The following TRAF6 variants were observed in gnomAD, a reference collection of about 807,000 sequenced individuals.
TRAF6 encodes the protein TNF receptor-associated factor 6.
TRAF6 carries 10 observed loss-of-function variants against 48.4 expected under a neutral mutation model. The observed-to-expected ratio is 0.21, with a 90% CI of 0.13 to 0.35. The LOEUF (loss-of-function observed/expected upper bound fraction) is 0.35, where lower values mean the gene tolerates loss of function less well. Among genes scored for constraint, TRAF6 ranks in the 10% least tolerant of loss-of-function variants. The pLI is 1.00. For missense variants in TRAF6, 397 were observed against 661.0 expected (o/e 0.60, Z 4.38); for synonymous variants, 186 against 219.6 (o/e 0.85, Z 1.35).
chr11:36,495,365 T>G (rs1183184908), intron 4 of TRAF6, among the ~76,000 whole-genome samples: 1 of 152,226 alleles, frequency 6.6e-6, no homozygotes, highest in African/African-American at 2.4e-5. Flanking sequence ...GAGGCTATAC[T>G]TCTCCAAAGG....
intron 1 of TRAF6, among the ~76,000 whole-genome samples, chr11:36,505,299 G>A (rs1383462766): frequency 3.9e-5 from 6 of 152,176 alleles, no homozygotes; most frequent in Admixed American, 3.3e-4. Context: ...CTTCATCAAC[G>A]ATCGTAGCTA....
chr11:36,485,851 G>C lies in TRAF6; in HGVS notation c.*3987C>G, dbSNP rs1416578846. Among the ~76,000 whole-genome samples, 1 of 152,080 alleles carries C rather than the reference G, an allele frequency of 6.6e-6. No homozygotes were observed. Among genetic ancestry groups the C allele is most frequent in the South Asian group, 2.1e-4 (1 of 4,828 alleles). On this transcript the variant is annotated 3_prime_UTR_variant, in exon 7 of 7. Coordinates refer to ENST00000526995, the MANE Select transcript of TRAF6 (RefSeq NM_004620.4). ...GATACTGGGAATTTGTAAGTGCCAA[G>C]TACACTCTACAGGCACAAAGACAGA...
At chr11:36,503,716 T>C (rs1032052612) in intron 1 of TRAF6, among the ~76,000 whole-genome samples, 1 of 152,116 alleles carries the variant, frequency 6.6e-6, no homozygotes, top group African/African-American at 2.4e-5. Flanking sequence ...CAGCAGAAAA[T>C]AGCAGAACTA....
intron 1 of TRAF6, among the ~76,000 whole-genome samples, chr11:36,506,162 G>A (rs112020454): frequency 0.013 from 1,953 of 151,946 alleles, 47 homozygotes; most frequent in African/African-American, 0.044. Flanking sequence ...AAAAGTATCC[G>A]GGAAGTGCAA....
Position 36,489,014 on chromosome 11 carries a change from A to G in TRAF6, c.*824T>C, listed in dbSNP as rs1859525775. ...TCTTGTAAGCATTAAACAAATGAAG[A>G]CATATGCAGAGCTGTGAAATTCACT... On this transcript the variant is annotated 3_prime_UTR_variant, in exon 7 of 7. Transcript: ENST00000526995. 6.6e-6 allele frequency: 1 copy of G among 152,176 alleles called. No homozygotes were observed. Among genetic ancestry groups the G allele is most frequent in the Non-Finnish European group, 1.5e-5 (1 of 68,036 alleles). 9.4% of individuals were successfully genotyped at this position (152,176 alleles called of 1,614,324 possible).
chr11:36,493,584 T>C (rs1203714601), intron 5 of TRAF6, among the ~76,000 whole-genome samples: 7 of 152,250 alleles, frequency 4.6e-5, no homozygotes, highest in Non-Finnish European at 1.5e-5. Flanking sequence ...GCAGGCCAGT[T>C]TGCTGATCCC....
chr11:36,509,384 G>T (rs1859866562), intron 1 of TRAF6, among the ~76,000 whole-genome samples: 2 of 151,314 alleles, frequency 1.3e-5, no homozygotes, highest in South Asian at 4.2e-4. Context: ...TCGAACTACC[G>T]AGTTTAGGGG....
At chr11:36,495,576 C>A (rs1342610236) in intron 4 of TRAF6, among the ~76,000 whole-genome samples, 1 of 152,072 alleles carries the variant, frequency 6.6e-6, no homozygotes, top group African/African-American at 2.4e-5. Context: ...CAGGTTAAGT[C>A]AATCTAATTT....
chr11:36,498,938 G>C (rs990661408), intron 2 of TRAF6, among the ~76,000 whole-genome samples: 1 of 152,114 alleles, frequency 6.6e-6, no homozygotes, highest in African/African-American at 2.4e-5. Context: ...ATTTTGATTG[G>C]TACAAAATGA....
rs374431321 is a variant in TRAF6, at chr11:36,497,215, G to A, written c.499C>T (p.Arg167Cys). ...FALMDCPQCQ[R>C]PFQKFHINIH... ...TTAATATGGAATTTTTGGAAGGGAC[G>A]CTGGCATTGGGGACAATCCATAAGA... Residue 167 changes from arginine to cysteine, a missense_variant, in exon 4 of 7, where the codon CGT becomes TGT. Physicochemically the swap from Arg to Cys is radical, Grantham distance 180 (BLOSUM62 -3). This residue lies in a region of TRAF6 where 245 missense variants were observed against 349.1 expected (regional missense o/e 0.70). Transcript: ENST00000526995. 69 of 1,613,704 alleles carry A rather than the reference G, an allele frequency of 4.3e-5. No individual in the cohort carries two copies. The highest frequency in any genetic ancestry group is 5.2e-5 in the Non-Finnish European group (61 of 1,179,928).
Position 36,487,283 on chromosome 11 carries a change from A to C in TRAF6, c.*2555T>G, listed in dbSNP as rs1859498777. 6.6e-6 allele frequency: 1 copy of C among 152,216 alleles called. No individual in the cohort carries two copies. The highest frequency in any genetic ancestry group is 2.4e-5 in the African/African-American group (1 of 41,448). 9.4% of individuals were successfully genotyped at this position (152,216 alleles called of 1,614,324 possible). ...GTGAAACTAGCATGTTTAAGAATAG[A>C]GTAGGAGATTGGGAAAATGTAAGGA... On this transcript the variant is annotated 3_prime_UTR_variant, in exon 7 of 7. Coordinates refer to ENST00000526995, the MANE Select transcript of TRAF6 (RefSeq NM_004620.4).
chr11:36,498,453 T>C, intron 3 of TRAF6, 37 bp downstream of exon 3: 2 of 1,582,278 alleles, frequency 1.3e-6, no homozygotes, highest in Non-Finnish European at 1.7e-6. Flanking sequence ...AACTTCCTTT[T>C]ATACATGTGC....
Position 36,488,434 on chromosome 11 carries a change from C to T in TRAF6, c.*1404G>A, listed in dbSNP as rs1408575538. On this transcript the variant is annotated 3_prime_UTR_variant, in exon 7 of 7. Coordinates refer to ENST00000526995, the MANE Select transcript of TRAF6 (RefSeq NM_004620.4). ...TCTTGAAATTAAGGCTGATCTAGAA[C>T]GCTGGCTGGCGACTCTGATTTGGCC... The T allele has an allele frequency of 6.5e-6, 1 of 152,966 alleles. No individual in the cohort carries two copies. The highest frequency in any genetic ancestry group is 2.4e-5 in the African/African-American group (1 of 41,410). 9.5% of individuals were successfully genotyped at this position (152,966 alleles called of 1,614,324 possible). A position where few individuals can be genotyped will look rare whatever the true frequency, so the allele number is the denominator to read the frequency against.
At chr11:36,502,159 G>T (rs1564968527) in intron 1 of TRAF6, among the ~76,000 whole-genome samples, 2 of 152,112 alleles carry the variant, frequency 1.3e-5, no homozygotes, top group African/African-American at 2.4e-5. Context: ...TTAGATCTTG[G>T]TTTTTTCTTC....
rs1859510973 is a variant in TRAF6, at chr11:36,488,091, G to C, written c.*1747C>G. The C allele has an allele frequency of 1.3e-5, 2 of 152,114 alleles. No homozygotes were observed. Among genetic ancestry groups the C allele is most frequent in the South Asian group, 4.1e-4 (2 of 4,828 alleles). 9.4% of individuals were successfully genotyped at this position (152,114 alleles called of 1,614,324 possible). A position where few individuals can be genotyped will look rare whatever the true frequency, so the allele number is the denominator to read the frequency against. ...ATTTATTCATTGTAAAATAATCACA[G>C]GAACAGCAGCAGTGTAGGTTTCCCT... On this transcript the variant is annotated 3_prime_UTR_variant, in exon 7 of 7. Coordinates refer to ENST00000526995, the MANE Select transcript of TRAF6 (RefSeq NM_004620.4).
intron 3 of TRAF6, among the ~76,000 whole-genome samples, 168 bp from the exon 4 acceptor site, chr11:36,497,434 A>G (rs1053277502): frequency 6.6e-6 from 1 of 152,210 alleles, no homozygotes; most frequent in Non-Finnish European, 1.5e-5. Flanking sequence ...ATTTTTTAAA[A>G]TGGTCATGGG....
At chr11:36,491,250 T>C (rs1051926812) in intron 6 of TRAF6, among the ~76,000 whole-genome samples, 1 of 152,194 alleles carries the variant, frequency 6.6e-6, no homozygotes, top group African/African-American at 2.4e-5. Flanking sequence ...ACCATGCCAT[T>C]CTAAGGTCAT....
At chr11:36,496,712 ATAGT>A (rs1859641541) in intron 4 of TRAF6, among the ~76,000 whole-genome samples, 2 of 152,220 alleles carry the variant, frequency 1.3e-5, no homozygotes, top group African/African-American at 2.4e-5. Flanking sequence ...ATTCTTTGTA[ATAGT>A]TAGAACAACC....
chr11:36,506,759 C>T lies in TRAF6; in HGVS notation c.-23+3289G>A, dbSNP rs186281055. Reference sequence around the variant, plus strand: ...ACATAAAAGTGAGCATGTTCAAAATCTATTTGCCTTCAAGTTTCACATTAC... The same window carrying T: ...ACATAAAAGTGAGCATGTTCAAAATTTATTTGCCTTCAAGTTTCACATTAC... On this transcript the variant is annotated intron_variant, in intron 1 of 6. Transcript: ENST00000526995. 2.9e-3 allele frequency among the ~76,000 whole-genome samples: 438 copies of T among 152,266 alleles called. 4 individuals carry two copies. Among genetic ancestry groups the T allele is most frequent in the Non-Finnish European group, 5.2e-3 (355 of 67,996 alleles).
Sources: gnomAD v4.1 joint callset for allele counts (sites outside exome capture counted in the v4.1 genomes callset) on GRCh38, gnomAD v4.1.1 for gene constraint, gnomAD v4.1.1 regional missense constraint, MANE v1.5 for transcripts, NCBI Gene and HGNC (gene_info 2026-07-23, HGNC 2026-07-21) for gene names.